APP: variants seen among roughly 807,000 people sequenced by gnomAD.
The protein encoded by APP is amyloid-beta precursor protein.
In APP, 31 loss-of-function variants were observed where a neutral mutation model predicts 101.4. The ratio of observed to expected loss-of-function variants is 0.31; its 90% CI spans 0.23 to 0.41. The LOEUF (loss-of-function observed/expected upper bound fraction) is 0.41, where lower values mean the gene tolerates loss of function less well. Ranked by LOEUF, APP falls within the 10% of genes least tolerant of loss-of-function variation. The pLI is 1.00. For synonymous variants in APP, 366 were observed against 364.4 expected (o/e 1.00, Z -0.05); for missense variants, 839 against 1,003.7 (o/e 0.84, Z 2.22).
At chr21:26,108,905 G>A (rs1377387265) in intron 2 of APP, among the ~76,000 whole-genome samples, 2 of 151,686 alleles carry the variant, frequency 1.3e-5, no homozygotes, top group East Asian at 3.9e-4. Context: ...GAAAAAAAAA[G>A]AAAAAAATAA....
Position 26,000,176 on chromosome 21 carries a change from C to A in APP, c.872G>T (p.Cys291Phe). Residue 291 changes from cysteine to phenylalanine, a missense_variant, in exon 7 of 18, where the codon TGC becomes TTC. Physicochemically the swap from Cys to Phe is radical, Grantham distance 205. Coordinates refer to ENST00000346798, the MANE Select transcript of APP (RefSeq NM_000484.4). ...ESVEEVVREV[C>F]SEQAETGPCR... ...CGGCCCCGTCTCGGCTTGTTCAGAG[C>A]ACACCTCTAATCAGAGGAGATGTGG... The A allele has an allele frequency of 6.2e-7, 1 of 1,614,194 alleles. No individual in the cohort carries two copies. Among genetic ancestry groups the A allele is most frequent in the Non-Finnish European group, 8.5e-7 (1 of 1,180,022 alleles).
chr21:25,968,322 CTTT>C (rs34021818), intron 11 of APP, among the ~76,000 whole-genome samples: 3 of 113,850 alleles, frequency 2.6e-5, no homozygotes, highest in Non-Finnish European at 3.6e-5. Flanking sequence ...TTAAAAAAAT[CTTT>C]TTTTTTTTTT....
intron 13 of APP, among the ~76,000 whole-genome samples, chr21:25,927,607 A>G (rs2039955695): frequency 6.6e-6 from 1 of 152,184 alleles, no homozygotes; most frequent in Non-Finnish European, 1.5e-5. Flanking sequence ...ATCGGGGTTT[A>G]TTTTTGTTTA....
intron 14 of APP, among the ~76,000 whole-genome samples, chr21:25,911,517 A>T (rs1457056399): frequency 4.6e-5 from 7 of 152,248 alleles, no homozygotes; most frequent in African/African-American, 1.7e-4. Flanking sequence ...GCTTTGCAGC[A>T]TAAAAAATAT....
intron 13 of APP, among the ~76,000 whole-genome samples, chr21:25,946,923 AT>A (rs1406454818): frequency 3.9e-5 from 6 of 152,204 alleles, no homozygotes; most frequent in African/African-American, 1.4e-4. Context: ...AAGGTCAACA[AT>A]TTGTCTGCCA....
At chr21:26,162,656 A>G (rs1291222330) in intron 1 of APP, among the ~76,000 whole-genome samples, 1 of 151,754 alleles carries the variant, frequency 6.6e-6, no homozygotes, top group African/African-American at 2.4e-5. Flanking sequence ...TTAGTTATTC[A>G]ATGTTTGAAA....
At chr21:26,152,857 C>A (rs751139845) in intron 1 of APP, among the ~76,000 whole-genome samples, 6 of 151,726 alleles carry the variant, frequency 4.0e-5, no homozygotes, top group Non-Finnish European at 8.9e-5. Flanking sequence ...GTTTACAGGA[C>A]CACAATTCAC....
chr21:25,946,714 G>A (rs1056918486), intron 13 of APP, among the ~76,000 whole-genome samples: 2 of 151,758 alleles, frequency 1.3e-5, no homozygotes, highest in Non-Finnish European at 2.9e-5. Flanking sequence ...AGAAAGTAAG[G>A]TAAACAACCC....
chr21:26,043,816 TCTAA>T (rs1476888753), intron 5 of APP, among the ~76,000 whole-genome samples: 1 of 111,224 alleles, frequency 9.0e-6, no homozygotes, highest in Non-Finnish European at 1.8e-5. Flanking sequence ...TCTGAGCACT[TCTAA>T]CTACTTGTGG....
intron 2 of APP, among the ~76,000 whole-genome samples, chr21:26,106,390 G>A (rs1168480384): frequency 6.6e-6 from 1 of 152,066 alleles, no homozygotes; most frequent in African/African-American, 2.4e-5. Flanking sequence ...ATTGTTTAGG[G>A]GGTTTTTATC....
At chr21:26,022,322 G>A (rs866450221) in intron 5 of APP, among the ~76,000 whole-genome samples, 1 of 152,100 alleles carries the variant, frequency 6.6e-6, no homozygotes, top group South Asian at 2.1e-4. Context: ...AAAGATCAGC[G>A]GTTGCCAGTG....
intron 8 of APP, among the ~76,000 whole-genome samples, chr21:25,988,090 G>C (rs1040109418): frequency 2.0e-5 from 3 of 152,154 alleles, no homozygotes; most frequent in African/African-American, 7.2e-5. Flanking sequence ...TCTTAAGTGA[G>C]GAGGTGACAT....
intron 2 of APP, among the ~76,000 whole-genome samples, chr21:26,096,849 A>C (rs1183360262): frequency 6.6e-6 from 1 of 152,204 alleles, no homozygotes; most frequent in Non-Finnish European, 1.5e-5. Context: ...GGGTGGACTC[A>C]AACTAGGCAT....
At chr21:26,008,435 C>T (rs2043634558) in intron 6 of APP, among the ~76,000 whole-genome samples, 1 of 152,276 alleles carries the variant, frequency 6.6e-6, no homozygotes, top group South Asian at 2.1e-4. Flanking sequence ...GATATCATGT[C>T]CTGTATTGGA....
chr21:26,108,906 A>G (rs1464896012), intron 2 of APP, among the ~76,000 whole-genome samples: 4 of 152,064 alleles, frequency 2.6e-5, no homozygotes, highest in African/African-American at 9.7e-5. Flanking sequence ...AAAAAAAAAG[A>G]AAAAAATAAA....
chr21:26,155,949 C>T (rs371856719), intron 1 of APP, among the ~76,000 whole-genome samples: 1 of 148,838 alleles, frequency 6.7e-6, no homozygotes, highest in Non-Finnish European at 1.5e-5. Flanking sequence ...TGCAGTGAGC[C>T]GAGACCGTGC....
rs1262436599 is a variant in APP at position 26,000,189 on chromosome 21, AGAG to A, written c.866-10_866-8del. 6 of 1,614,044 alleles carry A rather than the reference AGAG, an allele frequency of 3.7e-6. No individual in the cohort carries two copies. The highest frequency in any genetic ancestry group is 1.6e-4 in the Middle Eastern group (1 of 6,082). On this transcript the variant is annotated splice_region_variant and splice_polypyrimidine_tract_variant and intron_variant, in intron 6 of 17. Coordinates refer to ENST00000346798, the MANE Select transcript of APP (RefSeq NM_000484.4). ...GCTTGTTCAGAGCACACCTCTAATC[AGAG>A]GAGATGTGGGGAACCACATTTAGCA... is the stretch of plus-strand genomic sequence containing the variant.
chr21:26,103,511 G>C (rs780443436), intron 2 of APP, among the ~76,000 whole-genome samples: 2 of 152,082 alleles, frequency 1.3e-5, no homozygotes, highest in Non-Finnish European at 2.9e-5. Flanking sequence ...TGAGGCATGA[G>C]AATCACTTGA....
At chr21:25,950,402 C>T (rs978093873) in intron 13 of APP, among the ~76,000 whole-genome samples, 32 of 132,058 alleles carry the variant, frequency 2.4e-4, no homozygotes, top group Admixed American at 1.9e-3. Context: ...TTTTTGGAGA[C>T]GGAGTTTTGC....
Sources: allele counts gnomAD v4.1 joint callset (sites outside exome capture counted in the v4.1 genomes callset), GRCh38; gene constraint gnomAD v4.1.1; transcripts MANE v1.5; gene names NCBI Gene and HGNC (gene_info 2026-07-23, HGNC 2026-07-21).